Variants in DCC observed in about 807,000 individuals in gnomAD.
DCC encodes the protein DCC netrin 1 receptor.
DCC carries 58 observed loss-of-function variants against 172.5 expected under a neutral mutation model. That is an observed-to-expected ratio of 0.34 (90% CI 0.27 to 0.42). DCC has a LOEUF of 0.42. DCC is among the 10% of genes least tolerant of loss of function. The pLI is 1.00. For missense variants in DCC, 1,740 were observed against 1,791.0 expected, an observed-to-expected ratio of 0.97 and a Z score of 0.51; for synonymous variants, 709 against 644.5, an observed-to-expected ratio of 1.10 and a Z score of -1.52.
intron 1 of DCC, among the ~76,000 whole-genome samples, chr18:52,710,218 AGT>A (rs2036273085): frequency 6.6e-6 from 1 of 152,234 alleles, no homozygotes; most frequent in Non-Finnish European, 1.5e-5. Flanking sequence ...GGCTGATTAA[AGT>A]GCAGTATAAT....
At chr18:52,783,323 CTTT>C (rs374129823) in intron 2 of DCC, among the ~76,000 whole-genome samples, 8 of 59,254 alleles carry the variant, frequency 1.4e-4, no homozygotes, top group Admixed American at 7.2e-4. Context: ...TACTACTACT[CTTT>C]TTTTTTTTTT....
chr18:53,000,718 G>A (rs1335997256), intron 5 of DCC, among the ~76,000 whole-genome samples: 1 of 150,214 alleles, frequency 6.7e-6, no homozygotes, highest in African/African-American at 2.4e-5. Flanking sequence ...CAGGAACTCA[G>A]TCAGAGCCAG....
At chr18:53,239,325 A>G (rs1441356445) in intron 12 of DCC, among the ~76,000 whole-genome samples, 1 of 152,010 alleles carries the variant, frequency 6.6e-6, no homozygotes, top group Non-Finnish European at 1.5e-5. Context: ...AAGATGAAAT[A>G]ACCCTTTATG....
intron 12 of DCC, among the ~76,000 whole-genome samples, chr18:53,257,050 T>G (rs186811389): frequency 0.012 from 1,762 of 152,206 alleles, 87 homozygotes; most frequent in Admixed American, 0.092. Flanking sequence ...TGTGATTTTT[T>G]CACATTGATT....
chr18:53,026,158 AT>A (rs909417999), intron 5 of DCC, among the ~76,000 whole-genome samples: 15 of 151,896 alleles, frequency 9.9e-5, no homozygotes, highest in African/African-American at 3.1e-4. Context: ...TATTAGTGTA[AT>A]TTTTTTGGAA....
chr18:53,136,748 G>A (rs936388164), intron 7 of DCC, among the ~76,000 whole-genome samples: 1 of 152,182 alleles, frequency 6.6e-6, no homozygotes, highest in African/African-American at 2.4e-5. Context: ...TATGGGCACA[G>A]TTTGTTGAAC....
rs36003910 is a variant in DCC at position 52,362,780 on chromosome 18, G to GCC, written c.91+21909_91+21910dup. Among the ~76,000 whole-genome samples, 143 of 151,476 alleles carry GCC rather than the reference G, an allele frequency of 9.4e-4. 1 individual carries two copies. Among genetic ancestry groups the GCC allele is most frequent in the African/African-American group, 3.3e-3 (136 of 41,268 alleles). ...AACAAAACTTCTCTTTGTTCTTTTA[G>GCC]CCCCCCCCACTCCCCTCCTCCCTCC... On this transcript the variant is annotated intron_variant, in intron 1 of 28. Transcript: ENST00000442544.
intron 1 of DCC, among the ~76,000 whole-genome samples, chr18:52,378,025 C>A (rs1985427279): frequency 6.6e-6 from 1 of 151,270 alleles, no homozygotes; most frequent in Non-Finnish European, 1.5e-5. Context: ...TTTCTTTTTT[C>A]CCTTGGTTTT....
At chr18:52,829,965 T>C (rs2038584315) in intron 2 of DCC, among the ~76,000 whole-genome samples, 1 of 151,882 alleles carries the variant, frequency 6.6e-6, no homozygotes, top group Non-Finnish European at 1.5e-5. Flanking sequence ...AAGATGACAT[T>C]TGAGTGAAGA....
chr18:52,769,174 T>G (rs2037301140), intron 2 of DCC, among the ~76,000 whole-genome samples: 3 of 152,236 alleles, frequency 2.0e-5, no homozygotes, highest in Admixed American at 6.5e-5. Flanking sequence ...CCAAAGTGGA[T>G]ATACCATTTT....
chr18:52,513,231 C>T (rs1790295908), intron 1 of DCC, among the ~76,000 whole-genome samples: 1 of 152,162 alleles, frequency 6.6e-6, no homozygotes, highest in Non-Finnish European at 1.5e-5. Context: ...GTTCATAATA[C>T]AAACACCTTA....
intron 1 of DCC, among the ~76,000 whole-genome samples, chr18:52,659,583 C>A (rs926140598): frequency 2.0e-4 from 30 of 152,072 alleles, no homozygotes; most frequent in Non-Finnish European, 3.5e-4. Context: ...ATGAACCAGG[C>A]CAAAACAAGA....
intron 7 of DCC, among the ~76,000 whole-genome samples, chr18:53,121,375 A>G (rs2144289017): frequency 6.6e-6 from 1 of 152,096 alleles, no homozygotes; most frequent in East Asian, 1.9e-4. Flanking sequence ...TAGCAATGCC[A>G]AATGAAGTGA....
At chr18:52,719,139 C>T (rs1432562103) in intron 1 of DCC, among the ~76,000 whole-genome samples, 1 of 152,058 alleles carries the variant, frequency 6.6e-6, no homozygotes, top group Non-Finnish European at 1.5e-5. Context: ...GTCTCTGTGT[C>T]CTTTCTTCCT....
intron 7 of DCC, among the ~76,000 whole-genome samples, chr18:53,080,782 GC>G (rs1193729758): frequency 6.6e-6 from 1 of 152,054 alleles, no homozygotes; most frequent in Non-Finnish European, 1.5e-5. Flanking sequence ...TTGAAAAGGA[GC>G]TTTTGATGCT....
intron 1 of DCC, among the ~76,000 whole-genome samples, chr18:52,453,094 C>T (rs748445189): frequency 2.0e-5 from 3 of 152,212 alleles, no homozygotes; most frequent in Non-Finnish European, 2.9e-5. Context: ...TCACAGTACA[C>T]GCACCACCTC....
chr18:52,863,432 C>T (rs538875251), intron 2 of DCC, among the ~76,000 whole-genome samples: 4 of 151,828 alleles, frequency 2.6e-5, no homozygotes, highest in South Asian at 4.2e-4. Context: ...TTCTATAGAA[C>T]AATTTTTCTA....
chr18:53,451,921 A>G (rs1322578008), intron 23 of DCC, among the ~76,000 whole-genome samples: 1 of 152,122 alleles, frequency 6.6e-6, no homozygotes, highest in Admixed American at 6.5e-5. Context: ...TGGCAGGACA[A>G]ATTTTCTAAC....
intron 15 of DCC, among the ~76,000 whole-genome samples, chr18:53,342,303 T>C (rs892876237): frequency 6.6e-6 from 1 of 152,008 alleles, no homozygotes; most frequent in Non-Finnish European, 1.5e-5. Context: ...TAGAGCTTCA[T>C]TAATCAATGA....
Sources: gnomAD v4.1 joint callset for allele counts (sites outside exome capture counted in the v4.1 genomes callset) on GRCh38, gnomAD v4.1.1 for gene constraint, MANE v1.5 for transcripts, NCBI Gene and HGNC (gene_info 2026-07-23, HGNC 2026-07-21) for gene names.